Variants in DCBLD2 observed in about 807,000 individuals in gnomAD.
DCBLD2 encodes discoidin, CUB and LCCL domain-containing protein 2.
Under a neutral mutation model 86.8 loss-of-function variants are expected in DCBLD2, and 54 were observed. The ratio of observed to expected loss-of-function variants is 0.62; its 90% confidence interval spans 0.50 to 0.78. DCBLD2 has a LOEUF of 0.78. Among genes scored for constraint, DCBLD2 ranks in the 30% least tolerant of loss-of-function variants. The probability of loss-of-function intolerance (pLI) is 0.00; values close to 1 mark genes in which losing one functional copy is unlikely to be tolerated. For missense variants in DCBLD2, 908 were observed against 954.2 expected (o/e 0.95, Z 0.64); for synonymous variants, 354 against 341.3 (o/e 1.04, Z -0.41).
intron 2 of DCBLD2, among the ~76,000 whole-genome samples, chr3:98,863,297 T>C (rs9873759): frequency 0.37 from 56,046 of 151,902 alleles, 11,276 homozygotes; most frequent in East Asian, 0.71. Context: ...CCCAAGGTAA[T>C]TTATAGATTC....
chr3:98,901,043 T>C (rs1347843800), intron 1 of DCBLD2, 79 bp downstream of exon 1: 2 of 1,532,228 alleles, frequency 1.3e-6, no homozygotes, highest in African/African-American at 1.4e-5. Context: ...CTGCAGCGTC[T>C]GCAGATTTGT....
At chr3:98,886,562 C>A (rs1943566846) in intron 1 of DCBLD2, among the ~76,000 whole-genome samples, 1 of 152,058 alleles carries the variant, frequency 6.6e-6, no homozygotes, top group Non-Finnish European at 1.5e-5. Flanking sequence ...TTTCATCTTC[C>A]TCCTCGACAT....
At chr3:98,853,463 C>G (rs576069707) in intron 2 of DCBLD2, among the ~76,000 whole-genome samples, 1 of 152,322 alleles carries the variant, frequency 6.6e-6, no homozygotes, top group African/African-American at 2.4e-5. Context: ...TGAAGCTCAG[C>G]TATCATTTAT....
chr3:98,805,517 G>A (rs1044697705), intron 13 of DCBLD2, among the ~76,000 whole-genome samples: 1 of 152,108 alleles, frequency 6.6e-6, no homozygotes, highest in Non-Finnish European at 1.5e-5. Context: ...TATTCATTAC[G>A]TATAAAGTGC....
intron 13 of DCBLD2, among the ~76,000 whole-genome samples, chr3:98,804,413 T>C (rs1941791110): frequency 6.6e-6 from 1 of 152,200 alleles, no homozygotes; most frequent in African/African-American, 2.4e-5. Flanking sequence ...CATTTTTTAT[T>C]GCATCTATTT....
At chr3:98,819,085 T>C in intron 8 of DCBLD2, 117 bp downstream of exon 8, 1 of 1,013,538 alleles carries the variant, frequency 9.9e-7, no homozygotes, top group Non-Finnish European at 1.4e-6. Context: ...GAAGAAAATA[T>C]AAAACCATAT....
intron 3 of DCBLD2, 130 bp downstream of exon 3, chr3:98,849,331 A>G: frequency 8.8e-7 from 1 of 1,138,852 alleles, no homozygotes; most frequent in Non-Finnish European, 1.3e-6. Context: ...TCAAATTTAT[A>G]TATGTGCTAT....
At chr3:98,811,421 C>A in intron 11 of DCBLD2, 47 bp downstream of exon 11, 1 of 1,612,474 alleles carries the variant, frequency 6.2e-7, no homozygotes, top group Non-Finnish European at 8.5e-7. Flanking sequence ...GAAAGTTGCA[C>A]CATAAATCCA....
At chr3:98,860,754 C>G (rs542937504) in intron 2 of DCBLD2, among the ~76,000 whole-genome samples, 2 of 152,312 alleles carry the variant, frequency 1.3e-5, no homozygotes, top group South Asian at 4.1e-4. Context: ...CAACCAATAC[C>G]AGCCACTGCA....
chr3:98,897,656 C>G (rs565386880), intron 1 of DCBLD2, among the ~76,000 whole-genome samples: 1 of 152,176 alleles, frequency 6.6e-6, no homozygotes, highest in Admixed American at 6.5e-5. Flanking sequence ...GTTCAAATAA[C>G]TGAAACATCC....
intron 3 of DCBLD2, among the ~76,000 whole-genome samples, chr3:98,844,085 T>C (rs1416839006): frequency 6.9e-6 from 1 of 145,850 alleles, no homozygotes; most frequent in Non-Finnish European, 1.5e-5. Flanking sequence ...TACATATGAA[T>C]AAATGCTGTC....
In DCBLD2 at chr3:98,881,529, A is replaced by G. The variant is rs758535756; in HGVS notation, c.433+11T>C. On this transcript the variant is annotated intron_variant, in intron 2 of 15. Coordinates refer to ENST00000326840, the MANE Select transcript of DCBLD2 (RefSeq NM_080927.4). ...TGTATTTACATGTACATTTACAAAAAAAAGTCCTACCTATTTCAGTTCTGC... is the reference window on the plus strand; with the variant it reads ...TGTATTTACATGTACATTTACAAAAGAAAGTCCTACCTATTTCAGTTCTGC... 1.4e-5 allele frequency: 22 copies of G among 1,609,726 alleles called. No homozygotes were observed. In the East Asian group the frequency reaches 3.8e-4, roughly 28 times the overall value.
rs375653330 is a variant in DCBLD2 at position 98,808,803 on chromosome 3, G to A, written c.1577-629C>T. Among the ~76,000 whole-genome samples, 11 of 152,054 alleles carry A rather than the reference G, an allele frequency of 7.2e-5. No individual in the cohort carries two copies. In the East Asian group the frequency reaches 7.7e-4, roughly 11 times the overall value. ...ACTGATTGGCATTTTTGGGCAATAT[G>A]TACAAAAATCTATTGGCAATTCCAT... On this transcript the variant is annotated intron_variant, in intron 12 of 15. Coordinates refer to ENST00000326840, the MANE Select transcript of DCBLD2 (RefSeq NM_080927.4).
In DCBLD2 at chr3:98,811,450, C is replaced by T. The variant is rs547341668; in HGVS notation, c.1450+18G>A. 123 of 1,613,386 alleles carry T rather than the reference C, an allele frequency of 7.6e-5. 1 individual carries two copies. The South Asian group carries it at 1.3e-3, about 17-fold the overall frequency. ...AAATCCAAGGAATATCAAATTCTCA[C>T]ATTAAAAACAGGCATACCTTTGGCT... is the stretch of plus-strand genomic sequence containing the variant. On this transcript the variant is annotated intron_variant, in intron 11 of 15. Transcript: ENST00000326840.
rs55975603 is a variant in DCBLD2, at chr3:98,797,275, T to TA, written c.*2096dup. ...CATTTCAGAAAACACTTGCCCCTCT[T>TA]AAAAAAAAAAAAACCCAAAACTAAA... On this transcript the variant is annotated 3_prime_UTR_variant, in exon 16 of 16. Coordinates refer to ENST00000326840, the MANE Select transcript of DCBLD2 (RefSeq NM_080927.4). 0.069 allele frequency: 9,420 copies of TA among 137,362 alleles called. 351 individuals are homozygous for TA. The highest frequency in any genetic ancestry group is 0.08 in the Non-Finnish European group (5,051 of 62,896). The allele number at this position is 137,362 out of a possible 1,614,324, so 8.5% of individuals were successfully genotyped here.
chr3:98,803,320 G>A (rs1443277446), intron 13 of DCBLD2, among the ~76,000 whole-genome samples: 34 of 152,192 alleles, frequency 2.2e-4, no homozygotes, highest in East Asian at 5.8e-4. Context: ...ATTGTGAATG[G>A]GAGTTCACTC....
At chr3:98,889,877 G>C (rs2107529246) in intron 1 of DCBLD2, among the ~76,000 whole-genome samples, 1 of 151,946 alleles carries the variant, frequency 6.6e-6, no homozygotes, top group Non-Finnish European at 1.5e-5. Context: ...GTGGGGCCTT[G>C]GATCTGCAGT....
At chr3:98,867,807 G>GT (rs71625507) in intron 2 of DCBLD2, among the ~76,000 whole-genome samples, 5,195 of 143,130 alleles carry the variant, frequency 0.036, 95 homozygotes, top group Middle Eastern at 0.049. Context: ...GTTGTTTTTT[G>GT]TTTTTTTTTT....
chr3:98,886,863 C>T (rs568851971), intron 1 of DCBLD2, among the ~76,000 whole-genome samples: 5 of 128,784 alleles, frequency 3.9e-5, no homozygotes, highest in Admixed American at 3.7e-4. Flanking sequence ...GAAAATTAAA[C>T]GTATTTAAAT....
Sources: gnomAD v4.1 joint callset for allele counts (sites outside exome capture counted in the v4.1 genomes callset) on GRCh38, gnomAD v4.1.1 for gene constraint, MANE v1.5 for transcripts, NCBI Gene and HGNC (gene_info 2026-07-23, HGNC 2026-07-21) for gene names.